KCNQ5: variants seen among roughly 807,000 people sequenced by gnomAD.
KCNQ5 encodes potassium voltage-gated channel subfamily KQT member 5.
A neutral mutation model predicts 98.2 loss-of-function variants in KCNQ5; 30 were observed. The observed-to-expected ratio is 0.31, with a 90% CI of 0.23 to 0.41. The LOEUF (loss-of-function observed/expected upper bound fraction) is 0.41, where lower values mean the gene tolerates loss of function less well. Among genes scored for constraint, KCNQ5 ranks in the 10% least tolerant of loss-of-function variants. The pLI is 1.00. For missense variants in KCNQ5, 835 were observed against 1,182.5 expected (o/e 0.71, Z 4.31); for synonymous variants, 458 against 449.4 (o/e 1.02, Z -0.24).
chr6:72,966,152 C>T (rs1767600107), intron 1 of KCNQ5, among the ~76,000 whole-genome samples: 2 of 152,292 alleles, frequency 1.3e-5, no homozygotes, highest in South Asian at 4.1e-4. Flanking sequence ...TTTCTTGTTG[C>T]TGTCTCATAA....
rs549488729 is a variant in KCNQ5, at chr6:73,124,631, T to A, written c.1247+119T>A. The A allele has an allele frequency of 4.0e-4, 360 of 906,126 alleles. 4 individuals are homozygous for A. Among genetic ancestry groups the A allele is most frequent in the Middle Eastern group, 3.9e-3 (18 of 4,660 alleles). 56.1% of individuals were successfully genotyped at this position (906,126 alleles called of 1,614,324 possible). ...AATACAAGATGATTAAAAGTGACCT[T>A]TCACAAGATTGCCTGCAAAGATTGC... On this transcript the variant is annotated intron_variant, in intron 9 of 13. Transcript: ENST00000370398.
rs528370475 is a variant in KCNQ5 at position 73,166,957 on chromosome 6, G to T, written c.1469-2789G>T. On this transcript the variant is annotated intron_variant, in intron 10 of 13. Coordinates refer to ENST00000370398, the MANE Select transcript of KCNQ5 (RefSeq NM_019842.4). The stretch of plus-strand genomic sequence containing the variant: ...TTTTGAACCTTACATAATTACATCT[G>T]CAAGACCTTTATTCCAACTAAGGTC... 8.5e-5 allele frequency among the ~76,000 whole-genome samples: 13 copies of T among 152,280 alleles called. No individual in the cohort carries two copies. The South Asian group carries it at 2.5e-3, about 29-fold the overall frequency.
intron 10 of KCNQ5, among the ~76,000 whole-genome samples, chr6:73,144,848 G>T (rs915001795): frequency 6.6e-5 from 10 of 151,834 alleles, no homozygotes; most frequent in African/African-American, 2.4e-4. Flanking sequence ...GGGTTCCCAA[G>T]AGCAGTACAT....
chr6:73,119,867 G>A (rs1476272684), intron 7 of KCNQ5, among the ~76,000 whole-genome samples: 1 of 152,102 alleles, frequency 6.6e-6, no homozygotes, highest in Non-Finnish European at 1.5e-5. Context: ...GGATAATATA[G>A]TATCTTTCCC....
At chr6:72,692,103 A>C (rs965189537) in intron 1 of KCNQ5, among the ~76,000 whole-genome samples, 7 of 152,220 alleles carry the variant, frequency 4.6e-5, no homozygotes, top group Non-Finnish European at 7.3e-5. Context: ...AAGGTTTTTA[A>C]AAACTTCATT....
rs370589256 is a variant in KCNQ5, at chr6:73,194,953, G to A, written c.2338G>A (p.Val780Ile). ...PAGLQESISDVTTCLVASKEN... is the reference protein window; with the variant it reads ...PAGLQESISDITTCLVASKEN... ...AGGCTTACAGGAAAGCATTTCTGACGTCACCACCTGCCTTGTTGCCTCCAA... is the reference window on the plus strand; with the variant it reads ...AGGCTTACAGGAAAGCATTTCTGACATCACCACCTGCCTTGTTGCCTCCAA... Residue 780 changes from valine to isoleucine, a missense_variant, in exon 14 of 14, where the codon GTC becomes ATC. Coordinates refer to ENST00000370398, the MANE Select transcript of KCNQ5 (RefSeq NM_019842.4). 4.3e-5 allele frequency: 69 copies of A among 1,614,110 alleles called. No homozygotes were observed. Among genetic ancestry groups the A allele is most frequent in the Middle Eastern group, 3.3e-4 (2 of 6,062 alleles).
intron 1 of KCNQ5, among the ~76,000 whole-genome samples, chr6:72,697,364 G>C (rs1368458325): frequency 6.6e-6 from 1 of 152,072 alleles, no homozygotes; most frequent in Admixed American, 6.6e-5. Context: ...AGAAGTTATA[G>C]GACACAATAA....
At chr6:72,976,834 AG>A (rs1222921763) in intron 1 of KCNQ5, among the ~76,000 whole-genome samples, 4 of 152,244 alleles carry the variant, frequency 2.6e-5, no homozygotes, top group Non-Finnish European at 5.9e-5. Context: ...CTGTGTGTCA[AG>A]AAGTTTCCAT....
intron 1 of KCNQ5, among the ~76,000 whole-genome samples, chr6:72,886,046 A>G (rs1205522656): frequency 2.0e-5 from 3 of 152,232 alleles, no homozygotes; most frequent in Non-Finnish European, 4.4e-5. Context: ...CCTTTACCCC[A>G]AGACTCCAAG....
At chr6:72,752,900 C>T (rs1024372608) in intron 1 of KCNQ5, among the ~76,000 whole-genome samples, 2 of 151,952 alleles carry the variant, frequency 1.3e-5, no homozygotes, top group Non-Finnish European at 2.9e-5. Flanking sequence ...ATGAATTGAT[C>T]GAGGTTCTTC....
At position 72,766,732 on chromosome 6, in the gene KCNQ5, G is replaced by A. The variant is rs933982557; in HGVS notation, c.398+144145G>A. 1.3e-4 allele frequency among the ~76,000 whole-genome samples: 19 copies of A among 151,876 alleles called. 1 individual carries two copies. The highest frequency in any genetic ancestry group is 4.4e-4 in the African/African-American group (18 of 41,364). On this transcript the variant is annotated intron_variant, in intron 1 of 13. Transcript: ENST00000370398. ...GTGGCACCATTTGCTGGAGATGAGA[G>A]GGAAAAATATGGTATGTTGGGGGCA...
At chr6:72,825,552 T>C (rs1450505171) in intron 1 of KCNQ5, among the ~76,000 whole-genome samples, 3 of 152,162 alleles carry the variant, frequency 2.0e-5, no homozygotes, top group African/African-American at 7.2e-5. Context: ...CTCCTTTTCC[T>C]TGGTGACAGT....
chr6:73,177,329 C>T (rs1249026799), intron 11 of KCNQ5, among the ~76,000 whole-genome samples: 6 of 152,200 alleles, frequency 3.9e-5, no homozygotes, highest in Non-Finnish European at 7.3e-5. Flanking sequence ...AGCAAAGGCT[C>T]ATCAACTCTT....
chr6:72,852,785 A>ATAAACAT (rs1777336386), intron 1 of KCNQ5, among the ~76,000 whole-genome samples: 1 of 151,024 alleles, frequency 6.6e-6, no homozygotes, highest in African/African-American at 2.4e-5. Context: ...AAACAATTAT[A>ATAAACAT]TAAACATAAT....
chr6:72,953,619 C>T (rs1290860908), intron 1 of KCNQ5, among the ~76,000 whole-genome samples: 4 of 152,144 alleles, frequency 2.6e-5, no homozygotes, highest in Admixed American at 2.6e-4. Flanking sequence ...CTTTAAAATC[C>T]CTTCATGCCC....
At chr6:73,187,115 A>G (rs567854783) in intron 11 of KCNQ5, among the ~76,000 whole-genome samples, 3 of 148,706 alleles carry the variant, frequency 2.0e-5, no homozygotes, top group African/African-American at 7.5e-5. Context: ...GCTGGAGTGC[A>G]GTGGCGTGAC....
intron 1 of KCNQ5, among the ~76,000 whole-genome samples, chr6:72,728,063 G>C (rs190520936): frequency 2.0e-5 from 3 of 152,292 alleles, no homozygotes; most frequent in African/African-American, 7.2e-5. Flanking sequence ...GTCAGCAAAA[G>C]TCACATGGCC....
At chr6:72,974,833 G>A (rs538919135) in intron 1 of KCNQ5, among the ~76,000 whole-genome samples, 25 of 151,690 alleles carry the variant, frequency 1.6e-4, no homozygotes, top group Admixed American at 3.3e-4. Flanking sequence ...TCCGCCTCCC[G>A]GGTTCAAGCA....
chr6:72,757,790 G>A (rs912635759), intron 1 of KCNQ5, among the ~76,000 whole-genome samples: 15 of 152,070 alleles, frequency 9.9e-5, no homozygotes, highest in African/African-American at 3.6e-4. Context: ...TGAAATTAAT[G>A]TAGTTGGGAA....
Sources: gnomAD v4.1 joint callset for allele counts (sites outside exome capture counted in the v4.1 genomes callset) on GRCh38, gnomAD v4.1.1 for gene constraint, MANE v1.5 for transcripts, NCBI Gene and HGNC (gene_info 2026-07-23, HGNC 2026-07-21) for gene names.